SRP72: variants seen among roughly 807,000 people sequenced by gnomAD.
SRP72 encodes signal recognition particle subunit SRP72.
In SRP72, 49 loss-of-function variants were observed where a neutral mutation model predicts 96.3. The observed-to-expected ratio is 0.51, with a 90% CI of 0.40 to 0.65. The LOEUF (loss-of-function observed/expected upper bound fraction) is 0.65, where lower values mean the gene tolerates loss of function less well. SRP72 is among the 30% of genes least tolerant of loss of function. The pLI is 0.00. For synonymous variants in SRP72, 267 were observed against 275.2 expected, an observed-to-expected ratio of 0.97 and a Z score of 0.30; for missense variants, 736 against 793.3, an observed-to-expected ratio of 0.93 and a Z score of 0.87.
intron 10 of SRP72, among the ~76,000 whole-genome samples, chr4:56,485,765 C>T (rs1344668543): frequency 6.6e-6 from 1 of 152,010 alleles, no homozygotes; most frequent in Non-Finnish European, 1.5e-5. Flanking sequence ...CACGCCACTG[C>T]ACTCCAGCCT....
intron 1 of SRP72, among the ~76,000 whole-genome samples, chr4:56,468,043 A>G (rs1719817968): frequency 6.6e-6 from 1 of 152,184 alleles, no homozygotes; most frequent in African/African-American, 2.4e-5. Flanking sequence ...TCCATTTCAA[A>G]CTGTTTTCTT....
At chr4:56,471,874 G>A (rs1009829901) in intron 3 of SRP72, 31 bp downstream of exon 3, 12 of 1,610,726 alleles carry the variant, frequency 7.5e-6, no homozygotes, top group Admixed American at 1.7e-5. Flanking sequence ...CATGTTGACA[G>A]TGATACTGAG....
intron 6 of SRP72, chr4:56,477,241 A>G (rs1468728113): frequency 1.3e-5 from 2 of 150,650 alleles, no homozygotes; most frequent in African/African-American, 4.9e-5. Context: ...CTGAGTATTC[A>G]ACATGATTTA....
intron 8 of SRP72, among the ~76,000 whole-genome samples, chr4:56,478,856 G>A (rs1374519180): frequency 5.3e-5 from 8 of 152,072 alleles, no homozygotes; most frequent in Non-Finnish European, 7.4e-5. Flanking sequence ...ACCTTTTGTA[G>A]TAGACCCTAG....
intron 10 of SRP72, among the ~76,000 whole-genome samples, chr4:56,485,580 C>T (rs770956014): frequency 6.6e-6 from 1 of 152,052 alleles, no homozygotes; most frequent in Non-Finnish European, 1.5e-5. Flanking sequence ...TCAGGCAGAT[C>T]ATCTGAGGTC....
intron 17 of SRP72, among the ~76,000 whole-genome samples, chr4:56,497,225 T>A (rs546258781): frequency 0.014 from 1,766 of 124,586 alleles, 20 homozygotes; most frequent in Non-Finnish European, 0.023. Context: ...TATTTATTTA[T>A]TTTTTTTTTT....
intron 2 of SRP72, among the ~76,000 whole-genome samples, chr4:56,470,834 T>A (rs1719944639): frequency 6.6e-6 from 1 of 151,508 alleles, no homozygotes; most frequent in Non-Finnish European, 1.5e-5. Flanking sequence ...AAAAGTTTTT[T>A]TTTTTTTTTT....
intron 17 of SRP72, among the ~76,000 whole-genome samples, chr4:56,497,627 T>C (rs1453768574): frequency 2.0e-5 from 3 of 152,020 alleles, no homozygotes; most frequent in Admixed American, 1.3e-4. Context: ...TTAAAGAATA[T>C]CAGCCCACCC....
In SRP72 at chr4:56,476,703, G is replaced by A. The variant is rs1195795820; in HGVS notation, c.642+1G>A. ...CCGCCGTTCATTATCAGAAGACACT[G>A]TAAGTATTCCATCATTGTTAAACCT... On this transcript the variant is annotated splice_donor_variant, in intron 6 of 18. Transcript: ENST00000642900. LOFTEE classifies it high-confidence loss of function. 1 of 1,612,434 alleles carries A rather than the reference G, an allele frequency of 6.2e-7. No homozygotes were observed. Among genetic ancestry groups the A allele is most frequent in the Admixed American group, 1.7e-5 (1 of 59,848 alleles).
chr4:56,471,742 G>A lies in SRP72; in HGVS notation c.253G>A (p.Ala85Thr). Residue 85 changes from alanine (A) to threonine (T), a missense_variant, in exon 3 of 19, where the codon GCA becomes ACA. This residue lies in a region of SRP72 where 329 missense variants were observed against 319.0 expected (regional missense o/e 1.03). Coordinates refer to ENST00000642900, the MANE Select transcript of SRP72 (RefSeq NM_006947.4). The part of the protein sequence containing the change: ...LANNSLSFEK[A>T]YCEYRLNRIE... ...CAGTAACTCTCTCTCCTTTGAAAAG[G>A]CATATTGCGAGTACAGGCTGAACAG... The A allele has an allele frequency of 6.2e-7, 1 of 1,613,538 alleles. No individual in the cohort carries two copies. Among genetic ancestry groups the A allele is most frequent in the Non-Finnish European group, 8.5e-7 (1 of 1,179,800 alleles).
intron 18 of SRP72, 122 bp from the exon 19 acceptor site, chr4:56,501,562 T>TA: frequency 1.2e-6 from 1 of 838,642 alleles, no homozygotes; most frequent in Non-Finnish European, 1.8e-6. Context: ...GAGCTTACCT[T>TA]AAAAGAAGTA....
At chr4:56,483,673 GAAAA>G (rs920717276) in intron 9 of SRP72, among the ~76,000 whole-genome samples, 1 of 126,444 alleles carries the variant, frequency 7.9e-6, no homozygotes, top group Non-Finnish European at 1.7e-5. Context: ...TCTCCAAAAA[GAAAA>G]AAAAAAAAGA....
chr4:56,476,615 G>A, intron 5 of SRP72, 56 bp from the exon 6 acceptor site: 1 of 1,579,380 alleles, frequency 6.3e-7, no homozygotes, highest in Non-Finnish European at 8.7e-7. Flanking sequence ...TTGGAATAGT[G>A]AAAGAAATGG....
At chr4:56,469,628 G>T in intron 1 of SRP72, 25 bp from the exon 2 acceptor site, 1 of 1,528,694 alleles carries the variant, frequency 6.5e-7, no homozygotes, top group South Asian at 1.3e-5. Flanking sequence ...ATTTAAAAAT[G>T]ACTTTTCCTA....
chr4:56,489,406 AT>A lies in SRP72; in HGVS notation c.1244del (p.Met415SerfsTer35). ...KPGMVSALVT[M>X]YSHEEDIDSA... The stretch of plus-strand genomic sequence containing the variant: ...TGTGTAGGTATCTGCATTAGTTACC[AT>A]GTATAGCCATGAAGAAGATATTGAT... On this transcript the variant is annotated frameshift_variant, in exon 13 of 19. Transcript: ENST00000642900. LOFTEE classifies it high-confidence loss of function. 1 of 1,596,608 alleles carries A rather than the reference AT, an allele frequency of 6.3e-7. No individual in the cohort carries two copies. The highest frequency in any genetic ancestry group is 8.6e-7 in the Non-Finnish European group (1 of 1,167,874).
chr4:56,469,602 T>G (rs781529312), intron 1 of SRP72, 51 bp from the exon 2 acceptor site: 5 of 1,480,580 alleles, frequency 3.4e-6, no homozygotes, highest in Non-Finnish European at 4.5e-6. Flanking sequence ...TTAGTAAAAA[T>G]GTGAAAAGGA....
chr4:56,472,090 T>G (rs2110112110), intron 3 of SRP72, among the ~76,000 whole-genome samples: 1 of 152,334 alleles, frequency 6.6e-6, no homozygotes, highest in African/African-American at 2.4e-5. Flanking sequence ...ACTAATCTGT[T>G]TAATTTTGAC....
At chr4:56,469,575 A>G in intron 1 of SRP72, 78 bp from the exon 2 acceptor site, 1 of 1,379,892 alleles carries the variant, frequency 7.2e-7, no homozygotes, top group Non-Finnish European at 9.8e-7. Context: ...GCTTTCGGAG[A>G]GACAGGGTGG....
At chr4:56,491,353 T>C (rs1720897775) in intron 15 of SRP72, 78 bp from the exon 16 acceptor site, 1 of 1,493,988 alleles carries the variant, frequency 6.7e-7, no homozygotes, top group Non-Finnish European at 9.0e-7. Context: ...TGTCAATAGA[T>C]ACATTGGCAA....
Sources: allele counts gnomAD v4.1 joint callset (sites outside exome capture counted in the v4.1 genomes callset), GRCh38; gene constraint gnomAD v4.1.1; regional missense constraint gnomAD v4.1.1; transcripts MANE v1.5; gene names NCBI Gene and HGNC (gene_info 2026-07-23, HGNC 2026-07-21).